Variants in NAALADL2 observed in about 807,000 individuals in gnomAD.
NAALADL2 encodes inactive N-acetylated-alpha-linked acidic dipeptidase-like protein 2.
NAALADL2 carries 76 observed loss-of-function variants against 87.2 expected under a neutral mutation model. That is an observed-to-expected ratio of 0.87 (90% CI 0.72 to 1.05). The LOEUF (loss-of-function observed/expected upper bound fraction) is 1.05. Ranked by LOEUF, NAALADL2 falls within the 50% of genes least tolerant of loss-of-function variation. NAALADL2 has a pLI of 0.00. For synonymous variants in NAALADL2, 354 were observed against 331.0 expected (o/e 1.07, Z -0.75); for missense variants, 1,089 against 945.8 (o/e 1.15, Z -1.99).
intron 5 of NAALADL2, among the ~76,000 whole-genome samples, chr3:175,438,221 A>G (rs1560550186): frequency 1.3e-5 from 2 of 152,126 alleles, no homozygotes; most frequent in Non-Finnish European, 2.9e-5. Context: ...AATCTAAACA[A>G]TACTTTGCTG....
chr3:175,630,680 T>C (rs907467041), intron 11 of NAALADL2, among the ~76,000 whole-genome samples: 3 of 151,678 alleles, frequency 2.0e-5, no homozygotes, highest in African/African-American at 7.2e-5. Context: ...TTTAGAATAC[T>C]TTTTTTCACT....
intron 9 of NAALADL2, among the ~76,000 whole-genome samples, chr3:175,560,851 A>C (rs1183986148): frequency 1.3e-5 from 2 of 152,024 alleles, no homozygotes; most frequent in African/African-American, 4.8e-5. Flanking sequence ...CTATCTCTTG[A>C]CCTCATGATC....
chr3:175,690,622 G>T (rs538457467), intron 11 of NAALADL2, among the ~76,000 whole-genome samples: 143 of 152,106 alleles, frequency 9.4e-4, no homozygotes, highest in African/African-American at 3.3e-3. Flanking sequence ...TCCAGCCATA[G>T]GGTAGGAGCA....
chr3:175,038,327 A>G (rs1753660567), intron 1 of NAALADL2, among the ~76,000 whole-genome samples: 1 of 152,160 alleles, frequency 6.6e-6, no homozygotes, highest in African/African-American at 2.4e-5. Flanking sequence ...TAAATAAATA[A>G]AATAAGAAAA....
chr3:174,518,811 T>C (rs1019274963), intron 1 of NAALADL2, among the ~76,000 whole-genome samples: 5 of 152,214 alleles, frequency 3.3e-5, no homozygotes, highest in Non-Finnish European at 7.3e-5. Context: ...TCTAATTGTA[T>C]TGAGCACATG....
At chr3:175,367,291 C>T (rs1481069194) in intron 5 of NAALADL2, among the ~76,000 whole-genome samples, 1 of 151,654 alleles carries the variant, frequency 6.6e-6, no homozygotes, top group Admixed American at 6.6e-5. Flanking sequence ...AGTCAGGTAG[C>T]ATGATGCCTC....
chr3:174,996,010 G>T (rs1165888774), intron 1 of NAALADL2, among the ~76,000 whole-genome samples: 2 of 152,094 alleles, frequency 1.3e-5, no homozygotes, highest in Non-Finnish European at 2.9e-5. Flanking sequence ...TAATGGAGTT[G>T]TTCCTCACAC....
intron 2 of NAALADL2, among the ~76,000 whole-genome samples, chr3:174,580,462 C>G (rs139069290): frequency 1.3e-5 from 2 of 152,030 alleles, no homozygotes; most frequent in Admixed American, 6.5e-5. Flanking sequence ...TACAATTGTG[C>G]AGTTTTTACT....
intron 5 of NAALADL2, among the ~76,000 whole-genome samples, chr3:175,349,409 G>A (rs1488868542): frequency 6.6e-6 from 1 of 152,066 alleles, no homozygotes; most frequent in Non-Finnish European, 1.5e-5. Flanking sequence ...AAAAACCACA[G>A]AGACTAGAGT....
At chr3:174,803,465 A>T (rs898236765) in intron 3 of NAALADL2, among the ~76,000 whole-genome samples, 1 of 152,038 alleles carries the variant, frequency 6.6e-6, no homozygotes, top group African/African-American at 2.4e-5. Context: ...GCTGTGCAGA[A>T]GCTCTTTAGT....
At chr3:175,316,123 C>T (rs1242682355) in intron 4 of NAALADL2, among the ~76,000 whole-genome samples, 7 of 152,180 alleles carry the variant, frequency 4.6e-5, no homozygotes, top group African/African-American at 1.4e-4. Context: ...TAAGTTGTCA[C>T]ATAGCTATTT....
intron 7 of NAALADL2, among the ~76,000 whole-genome samples, chr3:175,464,499 A>G (rs551577094): frequency 6.6e-6 from 1 of 152,204 alleles, no homozygotes; most frequent in Non-Finnish European, 1.5e-5. Context: ...ACTTCCAAAC[A>G]CATCGTAAGG....
In NAALADL2 at chr3:174,700,115, A is replaced by C. The variant is rs923699052; in HGVS notation, c.-114-37526A>C. Among the ~76,000 whole-genome samples, 58 of 152,056 alleles carry C rather than the reference A, an allele frequency of 3.8e-4. No individual in the cohort carries two copies. In the South Asian group the frequency reaches 0.012, roughly 30 times the overall value. ...TATTCTGAAAGCATTGATCTGAAAAAAAAAATGTATTTGCTGCAAGATCTA... is the reference window on the plus strand; with the variant it reads ...TATTCTGAAAGCATTGATCTGAAAACAAAAATGTATTTGCTGCAAGATCTA... On this transcript the variant is annotated intron_variant, in intron 2 of 3. Coordinates refer to the NAALADL2 transcript ENST00000434257.
intron 4 of NAALADL2, among the ~76,000 whole-genome samples, chr3:175,306,537 C>T (rs962596458): frequency 8.5e-5 from 13 of 152,088 alleles, no homozygotes; most frequent in Admixed American, 2.0e-4. Context: ...AGCGGCCAGA[C>T]GCGGTGGCTC....
At chr3:175,234,269 TA>T (rs1745457942) in intron 3 of NAALADL2, 65 bp downstream of exon 3, 1 of 1,488,530 alleles carries the variant, frequency 6.7e-7, no homozygotes, top group Admixed American at 1.9e-5. Flanking sequence ...AGCTTTCATC[TA>T]AATTGAACTA....
intron 1 of NAALADL2, among the ~76,000 whole-genome samples, chr3:174,509,614 G>A (rs1177514086): frequency 1.3e-4 from 15 of 118,910 alleles, no homozygotes; most frequent in African/African-American, 4.6e-4. Flanking sequence ...TTTTAGTAGA[G>A]ACGGGGTTTC....
At chr3:175,264,941 C>T (rs905805128) in intron 4 of NAALADL2, among the ~76,000 whole-genome samples, 1 of 151,396 alleles carries the variant, frequency 6.6e-6, no homozygotes, top group African/African-American at 2.4e-5. Flanking sequence ...TTGTGAATAT[C>T]GTGTAATAGC....
intron 1 of NAALADL2, among the ~76,000 whole-genome samples, chr3:174,978,421 T>A (rs537555791): frequency 1.5e-4 from 23 of 152,324 alleles, no homozygotes; most frequent in African/African-American, 5.1e-4. Context: ...CAGTCCTCAC[T>A]CTTTTTTATA....
intron 5 of NAALADL2, among the ~76,000 whole-genome samples, chr3:175,376,523 T>C (rs1158497630): frequency 1.3e-5 from 2 of 152,180 alleles, no homozygotes; most frequent in Non-Finnish European, 2.9e-5. Flanking sequence ...AGCAACTGTT[T>C]TATTCAGGGA....
Sources: allele counts gnomAD v4.1 joint callset (sites outside exome capture counted in the v4.1 genomes callset), GRCh38; gene constraint gnomAD v4.1.1; transcripts MANE v1.5; gene names NCBI Gene and HGNC (gene_info 2026-07-23, HGNC 2026-07-21).